The following PPHLN1 variants were observed in gnomAD, a reference collection of about 807,000 sequenced individuals.
The protein encoded by PPHLN1 is periphilin-1.
A neutral mutation model predicts 51.3 loss-of-function variants in PPHLN1; 29 were observed. That is an observed-to-expected ratio of 0.57 (90% CI 0.42 to 0.77). The LOEUF is 0.77. Among genes scored for constraint, PPHLN1 ranks in the 30% least tolerant of loss-of-function variants. The probability of loss-of-function intolerance (pLI) is 0.00; values close to 1 mark genes in which losing one functional copy is unlikely to be tolerated. For missense variants in PPHLN1, 436 were observed against 438.4 expected (o/e 0.99, Z 0.05); for synonymous variants, 147 against 147.8 (o/e 0.99, Z 0.04).
At chr12:42,418,199 G>A (rs1178515915) in intron 9 of PPHLN1, among the ~76,000 whole-genome samples, 1 of 130,952 alleles carries the variant, frequency 7.6e-6, no homozygotes, top group Non-Finnish European at 1.6e-5. Context: ...CTCGACCACT[G>A]CTCCCGGCCC....
At chr12:42,341,657 C>T (rs1392547600) in intron 2 of PPHLN1, among the ~76,000 whole-genome samples, 1 of 152,034 alleles carries the variant, frequency 6.6e-6, no homozygotes, top group African/African-American at 2.4e-5. Context: ...GAGTCTGGCT[C>T]TATCGCCCAG....
intron 5 of PPHLN1, among the ~76,000 whole-genome samples, chr12:42,379,726 T>C (rs1179756719): frequency 2.6e-5 from 4 of 152,040 alleles, no homozygotes; most frequent in African/African-American, 9.7e-5. Context: ...AAAAAAAAAC[T>C]AGAAATACTA....
chr12:42,363,171 T>C (rs2074891000), intron 4 of PPHLN1, among the ~76,000 whole-genome samples: 1 of 152,184 alleles, frequency 6.6e-6, no homozygotes, highest in Non-Finnish European at 1.5e-5. Flanking sequence ...AGTAACAGTC[T>C]TAATTTATAA....
At chr12:42,341,727 T>C (rs2071533667) in intron 2 of PPHLN1, among the ~76,000 whole-genome samples, 1 of 152,090 alleles carries the variant, frequency 6.6e-6, no homozygotes, top group Non-Finnish European at 1.5e-5. Flanking sequence ...GTTCACGCCA[T>C]TCTTCTGCCT....
At chr12:42,406,587 C>A (rs1020505629) in intron 9 of PPHLN1, among the ~76,000 whole-genome samples, 1 of 152,022 alleles carries the variant, frequency 6.6e-6, no homozygotes, top group South Asian at 2.1e-4. Context: ...TTTTGTAAAA[C>A]GGCTATTGAA....
chr12:42,377,498 T>C (rs1380176200), intron 5 of PPHLN1, among the ~76,000 whole-genome samples: 5 of 151,942 alleles, frequency 3.3e-5, no homozygotes, highest in African/African-American at 9.7e-5. Flanking sequence ...GAGACAGGGT[T>C]GCACCATGTT....
chr12:42,440,349 T>C (rs1299688228), intron 9 of PPHLN1, among the ~76,000 whole-genome samples: 2 of 152,214 alleles, frequency 1.3e-5, no homozygotes, highest in African/African-American at 4.8e-5. Flanking sequence ...CCTGCAACCA[T>C]GCTATAATCA....
intron 8 of PPHLN1, 63 bp downstream of exon 8, chr12:42,393,752 G>C: frequency 1.4e-6 from 2 of 1,471,044 alleles, no homozygotes; most frequent in Admixed American, 4.8e-5. Flanking sequence ...TTAAATTATG[G>C]GCGAAAAATA....
chr12:42,337,777 T>TTTTATTTTATTTTATTTTATTTTATTTTA lies in PPHLN1; in HGVS notation c.72+1810_72+1811insTATTTTATTTTATTTTATTTTATTTATTT, dbSNP rs759818493. Among the ~76,000 whole-genome samples, 76 of 140,442 alleles carry TTTTATTTTATTTTATTTTATTTTATTTTA rather than the reference T, an allele frequency of 5.4e-4. 1 individual carries two copies. The highest frequency in any genetic ancestry group is 3.8e-3 in the Admixed American group (51 of 13,498). The allele number at this position is 140,442 out of a possible 152,430, so 92.1% of individuals were successfully genotyped here. A position where few individuals can be genotyped will look rare whatever the true frequency, so the allele number is the denominator to read the frequency against. On this transcript the variant is annotated intron_variant, in intron 2 of 9. Coordinates refer to ENST00000358314, the MANE Select transcript of PPHLN1 (RefSeq NM_201439.2). The stretch of plus-strand genomic sequence containing the variant: ...TTTTATTTTATTTTATTTTATTTTA[T>TTTTATTTTATTTTATTTTATTTTATTTTA]TTTATTTATTTATTTATTTATTTGG...
At chr12:42,333,115 T>C (rs1265762483) in intron 1 of PPHLN1, among the ~76,000 whole-genome samples, 1 of 152,202 alleles carries the variant, frequency 6.6e-6, no homozygotes, top group East Asian at 1.9e-4. Context: ...ACCTGGTCTT[T>C]TTACTGTGCT....
At chr12:42,382,666 G>GA (rs991347129) in intron 5 of PPHLN1, among the ~76,000 whole-genome samples, 9 of 151,866 alleles carry the variant, frequency 5.9e-5, no homozygotes, top group Admixed American at 6.6e-5. Flanking sequence ...AATAAAAATA[G>GA]AAAAAAAGAT....
intron 7 of PPHLN1, among the ~76,000 whole-genome samples, chr12:42,392,173 G>A (rs1215783421): frequency 6.6e-6 from 1 of 152,128 alleles, no homozygotes; most frequent in Non-Finnish European, 1.5e-5. Flanking sequence ...CCGAGATCGC[G>A]GCACTGCACT....
At chr12:42,444,832 C>A (rs2083210868), downstream of PPHLN1, 1 of 553,918 alleles carries the variant, frequency 1.8e-6, no homozygotes, top group Non-Finnish European at 3.2e-6. Context: ...GTAGTTTCCT[C>A]CCCCATACCT....
chr12:42,335,889 A>T lies in PPHLN1; in HGVS notation c.-14A>T. The T allele has an allele frequency of 6.5e-7, 1 of 1,542,080 alleles. No individual in the cohort carries two copies. The highest frequency in any genetic ancestry group is 1.3e-5 in the South Asian group (1 of 78,264). The stretch of plus-strand genomic sequence containing the variant: ...TTCTTTTTTTTTTCTTTAGTGGCTT[A>T]CAGAAGAGACGAAATGTGGTCTGAG... On this transcript the variant is annotated 5_prime_UTR_variant, in exon 2 of 10. Coordinates refer to ENST00000358314, the MANE Select transcript of PPHLN1 (RefSeq NM_201439.2).
intron 1 of PPHLN1, among the ~76,000 whole-genome samples, chr12:42,334,675 C>G (rs887517531): frequency 6.6e-6 from 1 of 152,162 alleles, no homozygotes; most frequent in Non-Finnish European, 1.5e-5. Flanking sequence ...TTTCTGTGTA[C>G]TGAAAGGTAC....
At chr12:42,344,925 G>A (rs1347784718) in intron 2 of PPHLN1, among the ~76,000 whole-genome samples, 2 of 152,070 alleles carry the variant, frequency 1.3e-5, no homozygotes, top group East Asian at 3.9e-4. Flanking sequence ...AGCCAGGCTG[G>A]TCTCGAATTC....
intron 4 of PPHLN1, among the ~76,000 whole-genome samples, chr12:42,366,280 T>C (rs2075266382): frequency 7.2e-6 from 1 of 139,008 alleles, no homozygotes; most frequent in Non-Finnish European, 1.5e-5. Context: ...CAGGCTGGAG[T>C]GCAGTGGTGC....
chr12:42,342,113 T>G (rs979726931), intron 2 of PPHLN1, among the ~76,000 whole-genome samples: 5 of 152,218 alleles, frequency 3.3e-5, no homozygotes, highest in African/African-American at 1.2e-4. Flanking sequence ...ATATCTACAC[T>G]TCTAGGTACC....
At chr12:42,343,867 G>C (rs2099460947) in intron 2 of PPHLN1, 1 of 441,336 alleles carries the variant, frequency 2.3e-6, no homozygotes, top group Non-Finnish European at 4.5e-6. Context: ...AAAGACGTTG[G>C]AATGACTCAG....
Sources: gnomAD v4.1 joint callset for allele counts (sites outside exome capture counted in the v4.1 genomes callset) on GRCh38, gnomAD v4.1.1 for gene constraint, MANE v1.5 for transcripts, NCBI Gene and HGNC (gene_info 2026-07-23, HGNC 2026-07-21) for gene names.